The following GRIN2B variants were observed in gnomAD, a reference collection of about 807,000 sequenced individuals.
GRIN2B encodes the protein glutamate receptor ionotropic, NMDA 2B.
Under a neutral mutation model 114.5 loss-of-function variants are expected in GRIN2B, and 5 were observed. That is an observed-to-expected ratio of 0.04 (90% CI 0.02 to 0.09). The LOEUF is 0.09. Among genes scored for constraint, GRIN2B ranks in the 10% least tolerant of loss-of-function variants. The pLI is 1.00. For missense variants in GRIN2B, 1,108 were observed against 1,943.5 expected (o/e 0.57, Z 8.08); for synonymous variants, 787 against 745.1 (o/e 1.06, Z -0.92).
intron 10 of GRIN2B, among the ~76,000 whole-genome samples, chr12:13,605,083 T>G (rs933242609): frequency 3.3e-5 from 5 of 151,978 alleles, no homozygotes; most frequent in African/African-American, 1.2e-4. Flanking sequence ...TTTTTTTTTT[T>G]GTCTTAATGA....
chr12:13,654,056 G>T (rs948738553), intron 5 of GRIN2B, among the ~76,000 whole-genome samples: 1 of 152,090 alleles, frequency 6.6e-6, no homozygotes, highest in African/African-American at 2.4e-5. Context: ...CAAAAAGGCT[G>T]TACCTATGCT....
chr12:13,537,801 A>C lies in GRIN2B; in HGVS notation c.*24982T>G, dbSNP rs2136374400. 1 of 152,314 alleles carries C rather than the reference A, an allele frequency of 6.6e-6. No individual in the cohort carries two copies. The highest frequency in any genetic ancestry group is 1.5e-5 in the Non-Finnish European group (1 of 68,028). The allele number at this position is 152,314 out of a possible 1,614,324, so 9.4% of individuals were successfully genotyped here. ...AATACTCAGATGACTCCACTATGTAAAACTGAGAACTACTGCTCCAGGTAA... is the reference window on the plus strand; with the variant it reads ...AATACTCAGATGACTCCACTATGTACAACTGAGAACTACTGCTCCAGGTAA... On this transcript the variant is annotated 3_prime_UTR_variant, in exon 14 of 14. Transcript: ENST00000609686.
At chr12:13,646,032 A>G (rs770365869) in intron 5 of GRIN2B, among the ~76,000 whole-genome samples, 8 of 152,094 alleles carry the variant, frequency 5.3e-5, no homozygotes, top group Non-Finnish European at 8.8e-5. Context: ...GGACACTGAA[A>G]GTTTTTCTTT....
intron 1 of GRIN2B, among the ~76,000 whole-genome samples, chr12:13,980,657 G>A (rs1863115518): frequency 6.6e-6 from 1 of 152,006 alleles, no homozygotes; most frequent in East Asian, 1.9e-4. Flanking sequence ...GAAGGAGGAA[G>A]GGGGGGAGAA....
intron 4 of GRIN2B, among the ~76,000 whole-genome samples, chr12:13,678,496 A>G (rs1240598089): frequency 6.6e-6 from 1 of 152,084 alleles, no homozygotes; most frequent in Admixed American, 6.6e-5. Flanking sequence ...TCTCATATAC[A>G]ACATCAGACT....
chr12:13,737,298 A>T (rs1279557720), intron 4 of GRIN2B, among the ~76,000 whole-genome samples: 1 of 150,584 alleles, frequency 6.6e-6, no homozygotes, highest in African/African-American at 2.4e-5. Flanking sequence ...TGCAAGCTCC[A>T]CCTCCCAGGT....
At chr12:13,719,027 C>A (rs2136590387) in intron 4 of GRIN2B, among the ~76,000 whole-genome samples, 1 of 152,154 alleles carries the variant, frequency 6.6e-6, no homozygotes, top group South Asian at 2.1e-4. Flanking sequence ...CCATCATCCA[C>A]CCACCCACAT....
At chr12:13,599,529 C>A (rs1173189328) in intron 10 of GRIN2B, among the ~76,000 whole-genome samples, 1 of 152,170 alleles carries the variant, frequency 6.6e-6, no homozygotes, top group Admixed American at 6.5e-5. Flanking sequence ...CTTAGTTGTT[C>A]AGAAGTGAAA....
chr12:13,598,020 A>G (rs1949098159), intron 10 of GRIN2B, among the ~76,000 whole-genome samples: 1 of 152,050 alleles, frequency 6.6e-6, no homozygotes, highest in African/African-American at 2.4e-5. Flanking sequence ...TTCTCCTCCC[A>G]CTCTAGGGTG....
intron 3 of GRIN2B, among the ~76,000 whole-genome samples, chr12:13,799,210 T>C (rs1864465323): frequency 6.6e-6 from 1 of 152,186 alleles, no homozygotes; most frequent in South Asian, 2.1e-4. Flanking sequence ...CTGATGTAAC[T>C]GACACTAATT....
Position 13,694,656 on chromosome 12 carries a change from CATATATATATATATATATATATATAT to C in GRIN2B, c.1011-18823_1011-18798del, listed in dbSNP as rs67570541. The stretch of plus-strand genomic sequence containing the variant: ...CCCAGTCTATTGTGCAAGAAAATGT[CATATATATATATATATATATATATAT>C]ATATATATATATATATATATAAATT... On this transcript the variant is annotated intron_variant, in intron 4 of 13. Transcript: ENST00000609686. Among the ~76,000 whole-genome samples, 179 of 71,340 alleles carry C rather than the reference CATATATATATATATATATATATATAT, an allele frequency of 2.5e-3. 4 individuals carry two copies. The highest frequency in any genetic ancestry group is 0.015 in the South Asian group (38 of 2,544). 46.8% of individuals were successfully genotyped at this position (71,340 alleles called of 152,430 possible).
At chr12:13,937,720 C>T (rs219901) in intron 2 of GRIN2B, among the ~76,000 whole-genome samples, 143,490 of 152,220 alleles carry the variant, frequency 0.94, 67,850 homozygotes, top group East Asian at 1. Flanking sequence ...ATCATTCTTT[C>T]TATAATTTAC....
chr12:13,703,565 C>CAATAATTT (rs1182592205), intron 4 of GRIN2B, among the ~76,000 whole-genome samples: 8 of 152,044 alleles, frequency 5.3e-5, no homozygotes, highest in African/African-American at 1.9e-4. Context: ...TATTTTCATT[C>CAATAATTT]AATACTTTAA....
intron 2 of GRIN2B, among the ~76,000 whole-genome samples, chr12:13,897,292 A>G (rs553554408): frequency 6.6e-6 from 1 of 152,080 alleles, no homozygotes; most frequent in Non-Finnish European, 1.5e-5. Flanking sequence ...CACCTGTCCA[A>G]ATTACCCCAT....
chr12:13,642,048 G>T (rs1023148477), intron 5 of GRIN2B, among the ~76,000 whole-genome samples: 1 of 151,996 alleles, frequency 6.6e-6, no homozygotes, highest in African/African-American at 2.4e-5. Context: ...AATTAGCTGG[G>T]CATGGTAGCG....
chr12:13,634,888 A>T (rs1001032896), intron 5 of GRIN2B, among the ~76,000 whole-genome samples: 1 of 152,142 alleles, frequency 6.6e-6, no homozygotes, highest in African/African-American at 2.4e-5. Context: ...TTTTTCCTAG[A>T]GTTTTACTGA....
intron 5 of GRIN2B, among the ~76,000 whole-genome samples, chr12:13,617,952 C>T (rs1053979322): frequency 1.3e-5 from 2 of 152,178 alleles, no homozygotes; most frequent in African/African-American, 4.8e-5. Flanking sequence ...GGCTTGGTGG[C>T]ATAGGCTATC....
At chr12:13,784,530 T>C (rs1353428711) in intron 3 of GRIN2B, among the ~76,000 whole-genome samples, 2 of 152,052 alleles carry the variant, frequency 1.3e-5, no homozygotes, top group African/African-American at 4.8e-5. Context: ...GACTTCGCTG[T>C]CTCCCCATTG....
At chr12:13,756,886 A>C (rs1016685563) in intron 3 of GRIN2B, among the ~76,000 whole-genome samples, 3 of 152,222 alleles carry the variant, frequency 2.0e-5, no homozygotes, top group Non-Finnish European at 4.4e-5. Context: ...CCCCTCTGTT[A>C]GGCTTCTCTT....
Sources: gnomAD v4.1 joint callset for allele counts (sites outside exome capture counted in the v4.1 genomes callset) on GRCh38, gnomAD v4.1.1 for gene constraint, MANE v1.5 for transcripts, NCBI Gene and HGNC (gene_info 2026-07-23, HGNC 2026-07-21) for gene names.